C2orf92: variants seen among roughly 807,000 people sequenced by gnomAD.
C2orf92 encodes the protein uncharacterized protein C2orf92.
intron 7 of C2orf92, among the ~76,000 whole-genome samples, chr2:97,702,457 C>T (rs1485650224): frequency 6.6e-6 from 1 of 152,078 alleles, no homozygotes; most frequent in East Asian, 1.9e-4. Flanking sequence ...TGTGGGTGGC[C>T]TGAGTTAGTT....
At chr2:97,672,107 C>T (rs1675436378) in intron 1 of C2orf92, among the ~76,000 whole-genome samples, 1 of 152,070 alleles carries the variant, frequency 6.6e-6, no homozygotes, top group African/African-American at 2.4e-5. Context: ...CTGAAGGAAG[C>T]TGTCCAAAGG....
intron 2 of C2orf92, among the ~76,000 whole-genome samples, chr2:97,674,998 C>T (rs1371987214): frequency 6.6e-6 from 1 of 152,194 alleles, no homozygotes; most frequent in Non-Finnish European, 1.5e-5. Flanking sequence ...TCCCTGTCAC[C>T]TCTGCCATCA....
chr2:97,666,295 T>A (rs528281476), upstream of C2orf92, among the ~76,000 whole-genome samples: 1 of 151,910 alleles, frequency 6.6e-6, no homozygotes, highest in South Asian at 2.1e-4. Flanking sequence ...CCCAGCACTT[T>A]GGAAGGCCGA....
At chr2:97,663,970 G>A (rs1369149926), upstream of C2orf92, 6 of 888,172 alleles carry the variant, frequency 6.8e-6, no homozygotes, top group African/African-American at 5.4e-5. Flanking sequence ...GACCGGGACG[G>A]CGGCGGCTCC....
At chr2:97,665,037 CAGGT>C (rs764450191), upstream of C2orf92, among the ~76,000 whole-genome samples, 3 of 152,226 alleles carry the variant, frequency 2.0e-5, no homozygotes, top group African/African-American at 4.8e-5. Context: ...GCAACAATAT[CAGGT>C]AGTTGTATTA....
intron 1 of C2orf92, chr2:97,670,562 C>A (rs1675382017): frequency 6.6e-6 from 1 of 151,244 alleles, no homozygotes; most frequent in Non-Finnish European, 1.5e-5. Context: ...TTTTATTTTT[C>A]TATTTATTGT....
At chr2:97,699,495 G>A (rs144265525) in intron 6 of C2orf92, among the ~76,000 whole-genome samples, 4,201 of 152,130 alleles carry the variant, frequency 0.028, 128 homozygotes, top group South Asian at 0.11. Context: ...GCAGCTACTC[G>A]GGAGGCTGAG....
intron 5 of C2orf92, among the ~76,000 whole-genome samples, chr2:97,696,382 C>T (rs1010658494): frequency 1.3e-5 from 2 of 151,722 alleles, no homozygotes; most frequent in Non-Finnish European, 2.9e-5. Context: ...TCTGCAGGGA[C>T]AGTAAATTCC....
upstream of C2orf92, chr2:97,665,735 CTCTATATATATATATATA>C (rs1464105454): frequency 2.8e-3 from 48 of 17,292 alleles, no homozygotes; most frequent in African/African-American, 9.5e-3. Flanking sequence ...CTCTCTCTCT[CTCTATATATATATATATA>C]TATATATATA....
chr2:97,681,410 G>A (rs1047357336), intron 3 of C2orf92, among the ~76,000 whole-genome samples: 12 of 152,074 alleles, frequency 7.9e-5, no homozygotes, highest in African/African-American at 2.9e-4. Flanking sequence ...TTACACACAT[G>A]GAGATTAAGC....
intron 6 of C2orf92, 89 bp downstream of exon 6, chr2:97,699,225 C>T (rs1676412151): frequency 2.5e-6 from 1 of 396,560 alleles, no homozygotes; most frequent in African/African-American, 2.1e-5. Context: ...GGTATTTTAA[C>T]TGACATCTTT....
At chr2:97,673,924 A>C (rs965550314) in intron 1 of C2orf92, among the ~76,000 whole-genome samples, 1 of 152,212 alleles carries the variant, frequency 6.6e-6, no homozygotes, top group Non-Finnish European at 1.5e-5. Context: ...ATAATGGGTC[A>C]TAAAACTGAG....
intron 1 of C2orf92, among the ~76,000 whole-genome samples, chr2:97,673,425 G>C (rs1435616389): frequency 6.6e-6 from 1 of 152,180 alleles, no homozygotes; most frequent in Admixed American, 6.5e-5. Context: ...CCTAGATGCT[G>C]TTTCCAGGTG....
At chr2:97,679,855 A>G (rs987642531) in intron 3 of C2orf92, among the ~76,000 whole-genome samples, 5 of 146,046 alleles carry the variant, frequency 3.4e-5, no homozygotes, top group Admixed American at 6.8e-5. Flanking sequence ...AAAAAAAAAG[A>G]AAAAAAAGAA....
intron 3 of C2orf92, among the ~76,000 whole-genome samples, chr2:97,686,002 A>G (rs1162924466): frequency 6.6e-6 from 1 of 152,240 alleles, no homozygotes; most frequent in Non-Finnish European, 1.5e-5. Context: ...ACAGAATACC[A>G]CAGCCTAGGT....
chr2:97,700,964 C>T (rs1676475509), intron 6 of C2orf92, among the ~76,000 whole-genome samples, 190 bp from the exon 7 acceptor site: 1 of 152,124 alleles, frequency 6.6e-6, no homozygotes, highest in Non-Finnish European at 1.5e-5. Flanking sequence ...ATCTCCTGAC[C>T]TCGTGATCCG....
chr2:97,698,681 C>T (rs544613463), intron 5 of C2orf92, among the ~76,000 whole-genome samples: 6 of 152,116 alleles, frequency 3.9e-5, no homozygotes, highest in South Asian at 2.1e-4. Flanking sequence ...GTGAGACATA[C>T]GCATTCCCAG....
chr2:97,685,300 C>T (rs1237567651), intron 3 of C2orf92, among the ~76,000 whole-genome samples: 2 of 148,964 alleles, frequency 1.3e-5, no homozygotes, highest in Admixed American at 1.3e-4. Context: ...AAGTCTCGCT[C>T]TGTCGCCCAG....
intron 3 of C2orf92, among the ~76,000 whole-genome samples, chr2:97,683,077 C>T (rs1675831349): frequency 9.4e-5 from 1 of 10,684 alleles, no homozygotes; most frequent in South Asian, 5.4e-4. Flanking sequence ...ATATAGACTC[C>T]ACACACACAC....
Sources: gnomAD v4.1 joint callset for allele counts (sites outside exome capture counted in the v4.1 genomes callset) on GRCh38, gnomAD v4.1.1 for gene constraint, MANE v1.5 for transcripts, NCBI Gene and HGNC (gene_info 2026-07-23, HGNC 2026-07-21) for gene names.